The following MACROD2 variants were observed in gnomAD, a reference collection of about 807,000 sequenced individuals.
MACROD2 encodes the protein ADP-ribose glycohydrolase MACROD2.
A neutral mutation model predicts 70.4 loss-of-function variants in MACROD2; 36 were observed. The ratio of observed to expected loss-of-function variants is 0.51; its 90% CI spans 0.39 to 0.68. MACROD2 has a LOEUF of 0.68. Ranked by LOEUF, MACROD2 falls within the 30% of genes least tolerant of loss-of-function variation. MACROD2 has a pLI of 0.00. For missense variants in MACROD2, 496 were observed against 538.4 expected (o/e 0.92, Z 0.78); for synonymous variants, 172 against 178.8 (o/e 0.96, Z 0.30).
intron 3 of MACROD2, among the ~76,000 whole-genome samples, chr20:14,129,639 T>A (rs2054693245): frequency 6.6e-6 from 1 of 152,198 alleles, no homozygotes; most frequent in Non-Finnish European, 1.5e-5. Flanking sequence ...TAGAGAAATC[T>A]TTCATGAAAA....
At position 14,002,348 on chromosome 20, in the gene MACROD2, C is replaced by T; in HGVS notation, c.107C>T (p.Pro36Leu). The T allele has an allele frequency of 6.2e-7, 1 of 1,610,252 alleles. No individual in the cohort carries two copies. The highest frequency in any genetic ancestry group is 8.5e-7 in the Non-Finnish European group (1 of 1,178,452). ...AAAGAATACCTAAGAGACTATATTC[C>T]CCTGAACAGCATTCTATCATGGAAG... Reference protein sequence around the residue: ...RRKEYLRDYIPLNSILSWKEE... With the variant: ...RRKEYLRDYILLNSILSWKEE... Residue 36 changes from proline to leucine, a missense_variant, in exon 2 of 18, where the codon CCC becomes CTC. By Grantham distance (98) the Pro-to-Leu change is moderately conservative (BLOSUM62 -3). Transcript: ENST00000684519.
intron 3 of MACROD2, among the ~76,000 whole-genome samples, chr20:14,230,102 T>C (rs2081787477): frequency 6.6e-6 from 1 of 152,208 alleles, no homozygotes; most frequent in African/African-American, 2.4e-5. Context: ...TACAGTCTTT[T>C]TGCTGATAGA....
chr20:14,711,084 T>C (rs957251253), intron 5 of MACROD2, among the ~76,000 whole-genome samples: 2 of 152,138 alleles, frequency 1.3e-5, no homozygotes, highest in Non-Finnish European at 2.9e-5. Flanking sequence ...CATATGCAAG[T>C]TTAGCACCAG....
intron 2 of MACROD2, among the ~76,000 whole-genome samples, chr20:14,037,612 C>A (rs147999840): frequency 6.6e-6 from 1 of 151,298 alleles, no homozygotes; most frequent in African/African-American, 2.4e-5. Context: ...TGTCGCTAAT[C>A]TATGTGAACA....
intron 5 of MACROD2, among the ~76,000 whole-genome samples, chr20:15,163,718 T>C (rs1310159345): frequency 6.6e-6 from 1 of 151,840 alleles, no homozygotes; most frequent in African/African-American, 2.4e-5. Flanking sequence ...TTTTAATGGA[T>C]TGTAAATTTT....
At chr20:15,457,072 TTTTAA>T (rs530783585) in intron 7 of MACROD2, among the ~76,000 whole-genome samples, 4,587 of 132,528 alleles carry the variant, frequency 0.035, 91 homozygotes, top group South Asian at 0.071. Context: ...TTTTTTTTTT[TTTTAA>T]AAAAAAAGCA....
chr20:16,037,090 C>G (rs1394360638), intron 15 of MACROD2, among the ~76,000 whole-genome samples: 1 of 151,982 alleles, frequency 6.6e-6, no homozygotes, highest in Non-Finnish European at 1.5e-5. Flanking sequence ...TCATACTAAT[C>G]TATGCCAATA....
intron 5 of MACROD2, among the ~76,000 whole-genome samples, chr20:14,993,130 AT>A (rs2074919723): frequency 6.6e-6 from 1 of 151,950 alleles, no homozygotes; most frequent in Non-Finnish European, 1.5e-5. Context: ...ATTGAAGGTA[AT>A]TTTTTGGAAG....
chr20:15,050,418 A>G (rs1198192547), intron 5 of MACROD2, among the ~76,000 whole-genome samples: 2 of 152,160 alleles, frequency 1.3e-5, no homozygotes, highest in Admixed American at 6.5e-5. Context: ...GATAAATTCA[A>G]TTACAAAATA....
intron 12 of MACROD2, among the ~76,000 whole-genome samples, chr20:15,949,173 A>T (rs1249818980): frequency 6.6e-6 from 1 of 152,166 alleles, no homozygotes; most frequent in Non-Finnish European, 1.5e-5. Flanking sequence ...TAAAAAATGG[A>T]ATTGTAATAG....
chr20:15,549,857 C>CT lies in MACROD2; in HGVS notation c.645+50020dup, dbSNP rs148133141. 1.0e-3 allele frequency among the ~76,000 whole-genome samples: 149 copies of CT among 149,562 alleles called. 1 individual carries two copies. The highest frequency in any genetic ancestry group is 2.1e-3 in the Admixed American group (31 of 14,952). ...ATTTTCTATCTATGTGCATATCAAC[C>CT]TTTTTTTTTTCAGCGCTATCTGAAC... is the stretch of plus-strand genomic sequence containing the variant. On this transcript the variant is annotated intron_variant, in intron 8 of 17. Coordinates refer to ENST00000684519, the MANE Select transcript of MACROD2 (RefSeq NM_001351661.2).
chr20:15,620,403 GA>G (rs1295509885), intron 8 of MACROD2, among the ~76,000 whole-genome samples: 1 of 152,050 alleles, frequency 6.6e-6, no homozygotes. Flanking sequence ...ATCATTGGAG[GA>G]AAAAAATAAA....
At chr20:14,078,804 T>A (rs534529175) in intron 2 of MACROD2, among the ~76,000 whole-genome samples, 3 of 152,318 alleles carry the variant, frequency 2.0e-5, no homozygotes, top group African/African-American at 7.2e-5. Flanking sequence ...AAAAATTTTG[T>A]TTGTTTGATA....
chr20:14,233,528 TAAAAAA>T (rs71190121), intron 3 of MACROD2, among the ~76,000 whole-genome samples: 1 of 143,826 alleles, frequency 7.0e-6, no homozygotes, highest in Non-Finnish European at 1.5e-5. Flanking sequence ...CCGTCTCTAC[TAAAAAA>T]AAAAAAAATT....
At chr20:15,677,580 C>T (rs1363534343) in intron 8 of MACROD2, among the ~76,000 whole-genome samples, 1 of 152,060 alleles carries the variant, frequency 6.6e-6, no homozygotes, top group East Asian at 1.9e-4. Flanking sequence ...AGAACACTGG[C>T]CACTGTGTGG....
chr20:14,900,103 A>G (rs918688690), intron 5 of MACROD2, among the ~76,000 whole-genome samples: 4 of 152,114 alleles, frequency 2.6e-5, no homozygotes, highest in African/African-American at 9.7e-5. Context: ...TTTTAATAAT[A>G]TATATTACAT....
At chr20:15,941,853 G>A (rs927494243) in intron 12 of MACROD2, among the ~76,000 whole-genome samples, 26 of 152,122 alleles carry the variant, frequency 1.7e-4, no homozygotes, top group African/African-American at 6.0e-4. Context: ...AAACTCCCAA[G>A]GATTTTGAGG....
At chr20:14,044,101 G>A (rs2053432265) in intron 2 of MACROD2, among the ~76,000 whole-genome samples, 1 of 152,202 alleles carries the variant, frequency 6.6e-6, no homozygotes, top group Non-Finnish European at 1.5e-5. Context: ...AGTTCTTAAA[G>A]GCAGTGTGTC....
At chr20:15,583,507 C>T (rs1048052337) in intron 8 of MACROD2, among the ~76,000 whole-genome samples, 5 of 152,304 alleles carry the variant, frequency 3.3e-5, no homozygotes, top group East Asian at 1.9e-4. Context: ...TAATCTCCTA[C>T]GTAATCTTCC....
Sources: gnomAD v4.1 joint callset for allele counts (sites outside exome capture counted in the v4.1 genomes callset) on GRCh38, gnomAD v4.1.1 for gene constraint, MANE v1.5 for transcripts, NCBI Gene and HGNC (gene_info 2026-07-23, HGNC 2026-07-21) for gene names.